Variants in POU6F2 observed in about 807,000 individuals in gnomAD.
POU6F2 encodes POU domain, class 6, transcription factor 2.
POU6F2 carries 31 observed loss-of-function variants against 71.3 expected under a neutral mutation model. That is an observed-to-expected ratio of 0.43 (90% CI 0.33 to 0.59). The LOEUF is 0.59. Ranked by LOEUF, POU6F2 falls within the 20% of genes least tolerant of loss-of-function variation. The pLI is 0.04. For synonymous variants in POU6F2, 347 were observed against 355.7 expected (o/e 0.98, Z 0.27); for missense variants, 783 against 856.8 (o/e 0.91, Z 1.07).
intron 4 of POU6F2, among the ~76,000 whole-genome samples, chr7:39,228,395 A>T (rs536960146): frequency 6.6e-5 from 10 of 152,204 alleles, no homozygotes; most frequent in Admixed American, 3.9e-4. Context: ...TAGAAAGCAC[A>T]TAGCCCTCCC....
At chr7:39,109,017 T>A (rs902215847) in intron 2 of POU6F2, among the ~76,000 whole-genome samples, 56 of 152,136 alleles carry the variant, frequency 3.7e-4, no homozygotes, top group Admixed American at 1.6e-3. Context: ...TGCCCCAATT[T>A]TGCTGTTAAT....
rs78705985 is a variant in POU6F2 at position 38,990,248 on chromosome 7, T to TA, written c.105+12198dup. 1.5e-3 allele frequency among the ~76,000 whole-genome samples: 222 copies of TA among 151,992 alleles called. 2 individuals carry two copies. The highest frequency in any genetic ancestry group is 1.4e-3 in the East Asian group (7 of 5,166). ...ATCTTAACTCAAATTTTGGAAAACT[T>TA]AAAAAAAATCCTGTGGTATTTCTCA... On this transcript the variant is annotated intron_variant, in intron 1 of 9. Coordinates refer to ENST00000518318, the MANE Select transcript of POU6F2 (RefSeq NM_001370959.1).
intron 4 of POU6F2, among the ~76,000 whole-genome samples, chr7:39,222,858 G>T (rs1270482014): frequency 6.6e-6 from 1 of 152,144 alleles, no homozygotes; most frequent in African/African-American, 2.4e-5. Context: ...ACAAACATGG[G>T]TGTAGAAATA....
Position 39,207,619 on chromosome 7 carries a change from A to T in POU6F2, c.597A>T (p.Gln199His). 1 of 1,613,116 alleles carries T rather than the reference A, an allele frequency of 6.2e-7. No individual in the cohort carries two copies. Among genetic ancestry groups the T allele is most frequent in the Non-Finnish European group, 8.5e-7 (1 of 1,179,324 alleles). The change falls in exon 4 of 10, where the codon CAA becomes CAT. Residue 199 changes from glutamine to histidine, a missense_variant and splice_region_variant. Gln to His is a conservative substitution (Grantham distance 24). Around this residue, in one of 2 missense-constraint regions of POU6F2, gnomAD observed 572 missense variants for 572.9 expected, o/e 1.00. Transcript: ENST00000518318. ...TGACTCTGCCACTGCAAAATCTACA[A>T]GGTAATCCATAATGTCCATGCGCCA... ...GIMTLPLQNL[Q>H]ATSSLNSQLQ... is the part of the protein sequence containing the mutation.
intron 4 of POU6F2, among the ~76,000 whole-genome samples, chr7:39,239,862 C>G (rs1783690331): frequency 6.6e-6 from 1 of 152,108 alleles, no homozygotes; most frequent in Non-Finnish European, 1.5e-5. Flanking sequence ...GAGCAAACTT[C>G]ATGACAAAGA....
chr7:39,452,053 C>A (rs1423083835), intron 8 of POU6F2, among the ~76,000 whole-genome samples: 2 of 152,186 alleles, frequency 1.3e-5, no homozygotes, highest in African/African-American at 2.4e-5. Flanking sequence ...AAATAACCAA[C>A]AACAGGCACT....
intron 2 of POU6F2, among the ~76,000 whole-genome samples, chr7:39,139,002 G>T (rs1200851365): frequency 6.6e-6 from 1 of 152,148 alleles, no homozygotes. Context: ...AGAAACCTGT[G>T]CAGTCGCTTG....
At chr7:39,070,789 G>A (rs1790863940) in intron 1 of POU6F2, among the ~76,000 whole-genome samples, 1 of 152,096 alleles carries the variant, frequency 6.6e-6, no homozygotes, top group South Asian at 2.1e-4. Context: ...GTCACCCTAT[G>A]CCCTGCTTTG....
intron 4 of POU6F2, among the ~76,000 whole-genome samples, chr7:39,281,395 T>C (rs1171776927): frequency 6.6e-6 from 1 of 152,158 alleles, no homozygotes; most frequent in Non-Finnish European, 1.5e-5. Context: ...ATATCAGGAC[T>C]TACTCCTCCT....
intron 4 of POU6F2, among the ~76,000 whole-genome samples, chr7:39,293,016 A>T (rs962442033): frequency 6.6e-6 from 1 of 152,042 alleles, no homozygotes; most frequent in Non-Finnish European, 1.5e-5. Flanking sequence ...CCAAAAAGAG[A>T]AAGCATCCAG....
intron 2 of POU6F2, among the ~76,000 whole-genome samples, chr7:39,195,704 C>T (rs1013000904): frequency 6.6e-5 from 10 of 151,924 alleles, no homozygotes; most frequent in African/African-American, 2.4e-4. Context: ...ATGGGGAAGT[C>T]CTGTAGGTCT....
chr7:39,109,327 C>T (rs1791757763), intron 2 of POU6F2, among the ~76,000 whole-genome samples: 4 of 152,206 alleles, frequency 2.6e-5, no homozygotes, highest in South Asian at 2.1e-4. Flanking sequence ...TGAGTCACCA[C>T]ACTCAACCAG....
In POU6F2 at chr7:39,155,876, C is replaced by T. The variant is rs146852930; in HGVS notation, c.278-48359C>T. On this transcript the variant is annotated intron_variant, in intron 2 of 9. Coordinates refer to ENST00000518318, the MANE Select transcript of POU6F2 (RefSeq NM_001370959.1). ...TGTGTAAATAGCCATATGGCAAACA[C>T]TATTCAATTAGCCACCCATATTAAA... Among the ~76,000 whole-genome samples the T allele has an allele frequency of 2.1e-3, 319 of 152,254 alleles. 1 individual carries two copies. The highest frequency in any genetic ancestry group is 7.2e-3 in the African/African-American group (299 of 41,534).
intron 4 of POU6F2, among the ~76,000 whole-genome samples, chr7:39,261,772 T>C (rs1784142872): frequency 6.6e-6 from 1 of 152,218 alleles, no homozygotes; most frequent in Admixed American, 6.5e-5. Flanking sequence ...TCTACTATGT[T>C]GTTCAGGTAA....
At chr7:39,357,938 C>T (rs1786294310) in intron 5 of POU6F2, among the ~76,000 whole-genome samples, 1 of 152,088 alleles carries the variant, frequency 6.6e-6, no homozygotes, top group African/African-American at 2.4e-5. Flanking sequence ...ATATCAAAAC[C>T]ACCTGCAGAG....
intron 7 of POU6F2, among the ~76,000 whole-genome samples, chr7:39,447,722 G>C (rs1211885501): frequency 6.6e-6 from 1 of 152,144 alleles, no homozygotes; most frequent in African/African-American, 2.4e-5. Flanking sequence ...AGGAAGGAAA[G>C]GAAAGAAACT....
At chr7:39,312,747 G>A (rs774184014) in intron 4 of POU6F2, among the ~76,000 whole-genome samples, 24 of 152,138 alleles carry the variant, frequency 1.6e-4, no homozygotes, top group Admixed American at 4.6e-4. Flanking sequence ...CAAGCACTGC[G>A]ATACTGCAAC....
chr7:39,184,227 T>C (rs1793489369), intron 2 of POU6F2, among the ~76,000 whole-genome samples: 1 of 152,226 alleles, frequency 6.6e-6, no homozygotes, highest in Middle Eastern at 3.2e-3. Context: ...TTAATTTTTC[T>C]TTTTCTCTAT....
chr7:39,464,404 G>A lies in POU6F2; in HGVS notation c.1881G>A (p.Glu627=), dbSNP rs1179432472. The change falls in exon 10 of 10, where the codon GAG becomes GAA. Residue 627 remains glutamate, a synonymous_variant. Transcript: ENST00000518318. The surrounding 1 kb of genome is among the most constrained non-coding windows in gnomAD (Gnocchi z 4.1). The part of the protein sequence containing the change: ...RHRAGMQNLT[E]FIGSEPSKKR... ...GAGCAGGTATGCAGAACCTGACCGA[G>A]TTTATCGGGAGTGAACCATCCAAAA... 1.2e-6 allele frequency: 2 copies of A among 1,613,932 alleles called. No homozygotes were observed. The highest frequency in any genetic ancestry group is 1.7e-6 in the Non-Finnish European group (2 of 1,179,904).
Sources: gnomAD v4.1 joint callset for allele counts (sites outside exome capture counted in the v4.1 genomes callset) on GRCh38, gnomAD v4.1.1 for gene constraint, gnomAD v4.1.1 regional missense constraint, Gnocchi (gnomAD v3.1) non-coding constraint, MANE v1.5 for transcripts, NCBI Gene and HGNC (gene_info 2026-07-23, HGNC 2026-07-21) for gene names.